The following SPOCK2 variants were observed in gnomAD, a reference collection of about 807,000 sequenced individuals.
SPOCK2 encodes testican-2.
In SPOCK2, 39 loss-of-function variants were observed where a neutral mutation model predicts 60.1. That is an observed-to-expected ratio of 0.65 (90% CI 0.50 to 0.85). The LOEUF (loss-of-function observed/expected upper bound fraction) is 0.85. Among genes scored for constraint, SPOCK2 ranks in the 40% least tolerant of loss-of-function variants. SPOCK2 has a pLI of 0.00. For synonymous variants in SPOCK2, 217 were observed against 231.5 expected (o/e 0.94, Z 0.57); for missense variants, 523 against 567.4 (o/e 0.92, Z 0.80).
intron 7 of SPOCK2, 23 bp downstream of exon 7, chr10:72,067,590 A>G (rs1328456345): frequency 1.9e-6 from 3 of 1,610,736 alleles, no homozygotes; most frequent in Non-Finnish European, 2.5e-6. Flanking sequence ...TCCCTCCTCC[A>G]GGCAGAGCAG....
intron 1 of SPOCK2, among the ~76,000 whole-genome samples, chr10:72,082,961 A>C (rs972946330): frequency 4.0e-5 from 6 of 150,486 alleles, no homozygotes; most frequent in African/African-American, 1.2e-4. Flanking sequence ...TCAAACATCA[A>C]GTCTGCCAGC....
At chr10:72,072,964 G>A in intron 1 of SPOCK2, 54 bp from the exon 2 acceptor site, 1 of 1,551,944 alleles carries the variant, frequency 6.4e-7, no homozygotes, top group African/African-American at 1.4e-5. Flanking sequence ...GAAGAGAAAG[G>A]GAGAAAGATG....
chr10:72,081,956 T>G (rs1840791261), intron 1 of SPOCK2, among the ~76,000 whole-genome samples: 1 of 152,158 alleles, frequency 6.6e-6, no homozygotes. Flanking sequence ...ATTGAGCACC[T>G]ACTGTGTGCC....
At position 72,070,413 on chromosome 10, in the gene SPOCK2, T is replaced by C; in HGVS notation, c.373A>G (p.Thr125Ala). 1 of 1,614,100 alleles carries C rather than the reference T, an allele frequency of 6.2e-7. No individual in the cohort carries two copies. Among genetic ancestry groups the C allele is most frequent in the Non-Finnish European group, 8.5e-7 (1 of 1,180,002 alleles). ...KKLEHRIKQP[T>A]VKLHGNKDSI... ...TCTTTGTTTCCATGGAGTTTCACGG[T>C]CGGCTGCTTGATCCTACAGGAGAGG... Residue 125 changes from threonine (T) to alanine (A), a missense_variant, in exon 5 of 11, where the codon ACC (threonine) becomes GCC (alanine). Physicochemically the swap from Thr to Ala is moderately conservative, Grantham distance 58. Transcript: ENST00000373109.
intron 1 of SPOCK2, among the ~76,000 whole-genome samples, chr10:72,078,602 G>A (rs1840746654): frequency 6.6e-6 from 1 of 151,874 alleles, no homozygotes; most frequent in South Asian, 2.1e-4. Flanking sequence ...CCTTTCACGG[G>A]TTCCCAGTCA....
intron 1 of SPOCK2, among the ~76,000 whole-genome samples, chr10:72,073,612 C>A (rs748500498): frequency 2.6e-5 from 4 of 152,238 alleles, no homozygotes; most frequent in Non-Finnish European, 5.9e-5. Context: ...GACAGATGAC[C>A]TGACCCAGGT....
intron 6 of SPOCK2, 83 bp from the exon 7 acceptor site, chr10:72,067,815 G>A: frequency 6.5e-7 from 1 of 1,543,524 alleles, no homozygotes; most frequent in East Asian, 2.4e-5. Context: ...TGCCCTACAG[G>A]CCAGGAGGCT....
chr10:72,067,448 T>C (rs892367113), intron 7 of SPOCK2, among the ~76,000 whole-genome samples, 165 bp downstream of exon 7: 2 of 152,208 alleles, frequency 1.3e-5, no homozygotes, highest in African/African-American at 2.4e-5. Flanking sequence ...CCTCCTGCTC[T>C]GGTGGAAGCC....
At chr10:72,063,988 A>G (rs1451996582) in intron 9 of SPOCK2, among the ~76,000 whole-genome samples, 190 bp downstream of exon 9, 1 of 152,226 alleles carries the variant, frequency 6.6e-6, no homozygotes, top group Non-Finnish European at 1.5e-5. Flanking sequence ...TTCCCGGGGC[A>G]GATTGGGAGT....
intron 1 of SPOCK2, among the ~76,000 whole-genome samples, chr10:72,075,844 C>T (rs953183130): frequency 1.3e-5 from 2 of 152,244 alleles, no homozygotes; most frequent in South Asian, 2.1e-4. Flanking sequence ...CAGAGAGGGA[C>T]GAGGAGAGCA....
In SPOCK2 at chr10:72,060,991, A is replaced by G. The variant is rs1461113729; in HGVS notation, c.*1769T>C. 1 of 152,904 alleles carries G rather than the reference A, an allele frequency of 6.5e-6. No homozygotes were observed. The highest frequency in any genetic ancestry group is 1.5e-5 in the Non-Finnish European group (1 of 68,270). The allele number at this position is 152,904 out of a possible 1,614,324, so 9.5% of individuals were successfully genotyped here. A position where few individuals can be genotyped will look rare whatever the true frequency, so the allele number is the denominator to read the frequency against. On this transcript the variant is annotated 3_prime_UTR_variant, in exon 11 of 11. Coordinates refer to ENST00000373109, the MANE Select transcript of SPOCK2 (RefSeq NM_001244950.2). ...CCCACACCCACCACTCACCCAGCAC[A>G]CAGGGGGCCTCTCCTCACGCTCCCA...
In SPOCK2 at chr10:72,067,736, C is replaced by T. The variant is rs1165316850; in HGVS notation, c.590-4G>A. The stretch of plus-strand genomic sequence containing the variant: ...AGGTCCTGACCGGTGCAAGTCTCTG[C>T]AGAACAGAGAGAAGGCATGGAGGGC... On this transcript the variant is annotated splice_region_variant and splice_polypyrimidine_tract_variant and intron_variant, in intron 6 of 10. Transcript: ENST00000373109. 4.3e-6 allele frequency: 7 copies of T among 1,612,672 alleles called. No individual in the cohort carries two copies. In the Admixed American group the frequency reaches 5.0e-5, roughly 12 times the overall value.
chr10:72,064,788 T>C (rs1163943048), intron 8 of SPOCK2, among the ~76,000 whole-genome samples: 1 of 151,638 alleles, frequency 6.6e-6, no homozygotes, highest in African/African-American at 2.4e-5. Flanking sequence ...TGGAGTGCAT[T>C]GGCGCGATCT....
At chr10:72,084,886 C>T (rs1840834323) in intron 1 of SPOCK2, among the ~76,000 whole-genome samples, 1 of 152,194 alleles carries the variant, frequency 6.6e-6, no homozygotes, top group South Asian at 2.1e-4. Flanking sequence ...GTGCTCACTG[C>T]ATCAGGGATT....
intron 8 of SPOCK2, 62 bp from the exon 9 acceptor site, chr10:72,064,302 C>G (rs1589117219): frequency 1.4e-6 from 2 of 1,469,332 alleles, no homozygotes; most frequent in South Asian, 2.8e-5. Flanking sequence ...ATGCACTGAG[C>G]CCTTCAAGGC....
At chr10:72,084,435 T>C (rs1350186730) in intron 1 of SPOCK2, among the ~76,000 whole-genome samples, 1 of 152,172 alleles carries the variant, frequency 6.6e-6, no homozygotes, top group East Asian at 1.9e-4. Flanking sequence ...CGGCCCCTCC[T>C]GGGTGGAGAG....
At chr10:72,066,632 T>A (rs890911531) in intron 8 of SPOCK2, among the ~76,000 whole-genome samples, 6 of 152,020 alleles carry the variant, frequency 3.9e-5, no homozygotes, top group African/African-American at 1.5e-4. Flanking sequence ...AACTCTTTCT[T>A]AAAGAAGACC....
chr10:72,077,258 G>C (rs1268456), intron 1 of SPOCK2, among the ~76,000 whole-genome samples: 91,377 of 151,932 alleles, frequency 0.6, 28,140 homozygotes, highest in African/African-American at 0.75. Context: ...GTACCTGGGA[G>C]CACAGGCATG....
rs1840883835 is a variant in SPOCK2 at position 72,087,899 on chromosome 10, C to T, written c.189+241G>A. ...CCCGGAGCGCGCGACCCCGGAGCGTCGGGCAGGTGTGGAGCTGGGGGTCCC... is the reference window on the plus strand; with the variant it reads ...CCCGGAGCGCGCGACCCCGGAGCGTTGGGCAGGTGTGGAGCTGGGGGTCCC... On this transcript the variant is annotated intron_variant, in intron 1 of 10. Coordinates refer to ENST00000373109, the MANE Select transcript of SPOCK2 (RefSeq NM_001244950.2). The surrounding 1 kb of genome is among the most constrained non-coding windows in gnomAD (Gnocchi z 4.7). Among the ~76,000 whole-genome samples, 1 of 151,724 alleles carries T rather than the reference C, an allele frequency of 6.6e-6. No individual in the cohort carries two copies. The highest frequency in any genetic ancestry group is 6.6e-5 in the Admixed American group (1 of 15,246).
Sources: allele counts gnomAD v4.1 joint callset (sites outside exome capture counted in the v4.1 genomes callset), GRCh38; gene constraint gnomAD v4.1.1; non-coding constraint Gnocchi (gnomAD v3.1); transcripts MANE v1.5; gene names NCBI Gene and HGNC (gene_info 2026-07-23, HGNC 2026-07-21).